WDR48: variants seen among roughly 807,000 people sequenced by gnomAD.
WDR48 encodes the protein WD repeat domain 48, also known as WD repeat-containing protein 48.
In WDR48, 22 loss-of-function variants were observed where a neutral mutation model predicts 94.0. The ratio of observed to expected loss-of-function variants is 0.23; its 90% confidence interval spans 0.17 to 0.33. The LOEUF is 0.33. Ranked by LOEUF, WDR48 falls within the 10% of genes least tolerant of loss-of-function variation. The pLI, the probability that WDR48 is intolerant of heterozygous loss-of-function variation, is 1.00. For missense variants in WDR48, 541 were observed against 813.8 expected (o/e 0.66, Z 4.08); for synonymous variants, 278 against 280.5 (o/e 0.99, Z 0.09).
At chr3:39,065,767 T>G in intron 2 of WDR48, 44 bp from the exon 3 acceptor site, 1 of 1,383,388 alleles carries the variant, frequency 7.2e-7, no homozygotes, top group Non-Finnish European at 1.0e-6. Context: ...GTAATATATT[T>G]CATTCTCTCA....
At chr3:39,075,009 A>G in intron 8 of WDR48, 59 bp downstream of exon 8, 1 of 1,523,838 alleles carries the variant, frequency 6.6e-7, no homozygotes. Context: ...TGTTAGCCAA[A>G]TAGAGCAAAA....
At chr3:39,070,164 C>T (rs915844500) in intron 7 of WDR48, among the ~76,000 whole-genome samples, 1 of 152,202 alleles carries the variant, frequency 6.6e-6, no homozygotes, top group African/African-American at 2.4e-5. Context: ...AGTTTTCTAA[C>T]ATAATGCTCA....
chr3:39,087,930 C>T, intron 14 of WDR48, 198 bp from the exon 15 acceptor site: 4 of 542,850 alleles, frequency 7.4e-6, no homozygotes, highest in Non-Finnish European at 6.6e-6. Context: ...TCATTTTTTC[C>T]ATGAAATAGA....
In WDR48 at chr3:39,069,637, T is replaced by A. The variant is rs747495393; in HGVS notation, c.571-6T>A. ...AGTTTGTGTAATACTCTATTAAAAT[T>A]CACAGGTGTTACGGGTATGGGATCC... On this transcript the variant is annotated splice_region_variant and splice_polypyrimidine_tract_variant and intron_variant, in intron 6 of 18. Transcript: ENST00000302313. The A allele has an allele frequency of 1.2e-6, 2 of 1,606,860 alleles. No homozygotes were observed. The highest frequency in any genetic ancestry group is 2.2e-5 in the South Asian group (2 of 90,676).
intron 1 of WDR48, among the ~76,000 whole-genome samples, chr3:39,055,073 T>C (rs970869130): frequency 6.6e-6 from 1 of 152,218 alleles, no homozygotes; most frequent in Admixed American, 6.5e-5. Flanking sequence ...AAAGCATACA[T>C]GGGTACTTGG....
At chr3:39,054,524 G>T (rs2032725201) in intron 1 of WDR48, among the ~76,000 whole-genome samples, 1 of 152,056 alleles carries the variant, frequency 6.6e-6, no homozygotes, top group Non-Finnish European at 1.5e-5. Context: ...ATATTTTTTT[G>T]CTATAAATGG....
chr3:39,094,425 G>A (rs1219659467), intron 18 of WDR48: 31 of 1,525,362 alleles, frequency 2.0e-5, no homozygotes, highest in Non-Finnish European at 2.6e-6. Flanking sequence ...CAGAGGAATG[G>A]CTGAAAGATG....
chr3:39,095,719 T>G lies in WDR48; in HGVS notation c.*976T>G, dbSNP rs914053287. ...TATACATATTTGTTTTTCCAAAGTTTTATATGCAGGTTTTTGTTGTACCTG... is the reference window on the plus strand; with the variant it reads ...TATACATATTTGTTTTTCCAAAGTTGTATATGCAGGTTTTTGTTGTACCTG... On this transcript the variant is annotated 3_prime_UTR_variant, in exon 19 of 19. Coordinates refer to ENST00000302313, the MANE Select transcript of WDR48 (RefSeq NM_020839.4). 4 of 152,570 alleles carry G rather than the reference T, an allele frequency of 2.6e-5. No individual in the cohort carries two copies. The allele number at this position is 152,570 out of a possible 1,614,324, so 9.5% of individuals were successfully genotyped here. A position where few individuals can be genotyped will look rare whatever the true frequency, so the allele number is the denominator to read the frequency against.
At chr3:39,076,794 G>T (rs1230667906) in intron 8 of WDR48, among the ~76,000 whole-genome samples, 2 of 152,112 alleles carry the variant, frequency 1.3e-5, no homozygotes, top group Non-Finnish European at 2.9e-5. Flanking sequence ...TTATTTCCTT[G>T]TTACTATAGA....
intron 1 of WDR48, among the ~76,000 whole-genome samples, chr3:39,059,430 G>T (rs991759109): frequency 6.6e-6 from 1 of 152,188 alleles, no homozygotes; most frequent in African/African-American, 2.4e-5. Context: ...TGCAGGGTCA[G>T]AACTAAGCAT....
intron 15 of WDR48, 113 bp from the exon 16 acceptor site, chr3:39,089,118 G>A (rs1575435113): frequency 1.1e-6 from 1 of 872,500 alleles, no homozygotes. Context: ...CAGCTGTCAA[G>A]TGGGGGTTAT....
At chr3:39,079,586 C>T (rs2034413167) in intron 10 of WDR48, 125 bp from the exon 11 acceptor site, 2 of 578,334 alleles carry the variant, frequency 3.5e-6, no homozygotes, top group South Asian at 2.8e-5. Flanking sequence ...TTTAGGTTTG[C>T]CTTTTCCTTT....
intron 1 of WDR48, among the ~76,000 whole-genome samples, chr3:39,057,275 A>G (rs1021947343): frequency 2.0e-5 from 3 of 152,186 alleles, no homozygotes; most frequent in African/African-American, 7.2e-5. Context: ...GTAAATCGAT[A>G]ATGTCTAAAA....
At chr3:39,092,154 A>G (rs2035106984) in intron 17 of WDR48, among the ~76,000 whole-genome samples, 1 of 152,248 alleles carries the variant, frequency 6.6e-6, no homozygotes, top group Admixed American at 6.5e-5. Context: ...CTTGGGCAAC[A>G]GAGAGAGACC....
chr3:39,082,961 A>C (rs1328448926), intron 11 of WDR48, among the ~76,000 whole-genome samples: 1 of 152,198 alleles, frequency 6.6e-6, no homozygotes, highest in Non-Finnish European at 1.5e-5. Context: ...GAAAAGAGGA[A>C]GCCACAATAG....
intron 7 of WDR48, among the ~76,000 whole-genome samples, chr3:39,074,293 A>C (rs569065110): frequency 6.6e-6 from 1 of 152,372 alleles, no homozygotes; most frequent in South Asian, 2.1e-4. Context: ...AGTATCTCTA[A>C]GCATAATGAA....
intron 5 of WDR48, among the ~76,000 whole-genome samples, chr3:39,068,035 T>C (rs982295570): frequency 6.6e-6 from 1 of 151,810 alleles, no homozygotes; most frequent in Non-Finnish European, 1.5e-5. Context: ...CCAGGCTTAG[T>C]GGATACAGAT....
chr3:39,082,611 A>T (rs192203979), intron 11 of WDR48, among the ~76,000 whole-genome samples: 135 of 152,286 alleles, frequency 8.9e-4, no homozygotes, highest in African/African-American at 3.2e-3. Flanking sequence ...AAGGAGTATG[A>T]GGAAAGGAAA....
At chr3:39,080,066 C>G (rs2034440497) in intron 11 of WDR48, among the ~76,000 whole-genome samples, 1 of 151,462 alleles carries the variant, frequency 6.6e-6, no homozygotes, top group Admixed American at 6.6e-5. Flanking sequence ...TTAAAAGTCT[C>G]ATCCTTGTAG....
Sources: allele counts gnomAD v4.1 joint callset (sites outside exome capture counted in the v4.1 genomes callset), GRCh38; gene constraint gnomAD v4.1.1; transcripts MANE v1.5; gene names NCBI Gene and HGNC (gene_info 2026-07-23, HGNC 2026-07-21).